Variants in POLR3B observed in about 807,000 individuals in gnomAD.
POLR3B encodes DNA-directed RNA polymerase III subunit RPC2.
POLR3B carries 96 observed loss-of-function variants against 147.4 expected under a neutral mutation model. The ratio of observed to expected loss-of-function variants is 0.65; its 90% confidence interval spans 0.55 to 0.77. The LOEUF is 0.77. POLR3B is among the 30% of genes least tolerant of loss of function. The pLI is 0.00. For missense variants in POLR3B, 1,036 were observed against 1,413.5 expected (o/e 0.73, Z 4.28); for synonymous variants, 461 against 485.9 (o/e 0.95, Z 0.67).
At chr12:106,386,073 C>A (rs942444656) in intron 9 of POLR3B, among the ~76,000 whole-genome samples, 1 of 152,126 alleles carries the variant, frequency 6.6e-6, no homozygotes, top group Non-Finnish European at 1.5e-5. Context: ...GGGCTGGGCG[C>A]GGTGGCTCAT....
At position 106,435,415 on chromosome 12, in the gene POLR3B, G is replaced by A. The variant is rs151209701; in HGVS notation, c.1781+1543G>A. 2.8e-3 allele frequency among the ~76,000 whole-genome samples: 431 copies of A among 152,280 alleles called. 4 individuals are homozygous for A. The highest frequency in any genetic ancestry group is 9.8e-3 in the African/African-American group (406 of 41,556). On this transcript the variant is annotated intron_variant, in intron 16 of 27. Transcript: ENST00000228347. Reference sequence around the variant, plus strand: ...CCACCTCAGCCTCCCAAAGTGCTGGGATTACAGGTGTGAGCCATCGCACCC... The same window carrying A: ...CCACCTCAGCCTCCCAAAGTGCTGGAATTACAGGTGTGAGCCATCGCACCC...
intron 16 of POLR3B, 36 bp downstream of exon 16, chr12:106,433,908 A>C (rs373917228): frequency 1.9e-6 from 3 of 1,540,336 alleles, no homozygotes; most frequent in Non-Finnish European, 2.7e-6. Flanking sequence ...GTTTTTAAGA[A>C]TCTCTTTATA....
At chr12:106,364,493 C>T (rs1192199184) in intron 2 of POLR3B, among the ~76,000 whole-genome samples, 1 of 152,210 alleles carries the variant, frequency 6.6e-6, no homozygotes, top group East Asian at 1.9e-4. Flanking sequence ...CTATCATGCT[C>T]CACTGGTGGG....
intron 19 of POLR3B, among the ~76,000 whole-genome samples, chr12:106,447,944 C>A (rs1197605475): frequency 6.6e-6 from 1 of 152,100 alleles, no homozygotes; most frequent in East Asian, 1.9e-4. Flanking sequence ...TTACAGTAGG[C>A]TGAGATGCAC....
intron 23 of POLR3B, among the ~76,000 whole-genome samples, chr12:106,474,771 T>C (rs1365355689): frequency 6.6e-5 from 10 of 150,696 alleles, no homozygotes; most frequent in African/African-American, 2.5e-4. Flanking sequence ...TCTTTATTAG[T>C]CTTGCTAGCG....
At chr12:106,459,580 G>A (rs1248427696) in intron 22 of POLR3B, among the ~76,000 whole-genome samples, 1 of 152,190 alleles carries the variant, frequency 6.6e-6, no homozygotes. Context: ...GGACCACATA[G>A]GCAGGGGTTC....
rs143057115 is a variant in POLR3B, at chr12:106,504,336, G to A, written c.3272+82G>A. ...CAAGAATTGACCCTGGATCCTATCCGCATATTCTCCAGCCTCTGTCTGTGA... is the reference window on the plus strand; with the variant it reads ...CAAGAATTGACCCTGGATCCTATCCACATATTCTCCAGCCTCTGTCTGTGA... On this transcript the variant is annotated intron_variant, in intron 27 of 27. Coordinates refer to ENST00000228347, the MANE Select transcript of POLR3B (RefSeq NM_018082.6). This position sits in a 1 kb window ranked among gnomAD's most constrained non-coding sequence, Gnocchi z 4.6. 1.5e-3 allele frequency: 1,664 copies of A among 1,120,330 alleles called. 16 individuals are homozygous for A. In the African/African-American group the frequency reaches 0.02, roughly 13 times the overall value. 69.4% of individuals were successfully genotyped at this position (1,120,330 alleles called of 1,614,324 possible). A position where few individuals can be genotyped will look rare whatever the true frequency, so the allele number is the denominator to read the frequency against.
chr12:106,502,531 T>C (rs1258341836), intron 26 of POLR3B, among the ~76,000 whole-genome samples: 1 of 152,194 alleles, frequency 6.6e-6, no homozygotes, highest in Non-Finnish European at 1.5e-5. Context: ...AAGCATCCAG[T>C]TCCCTCCCCA....
At chr12:106,359,147 C>T (rs550997102) in intron 1 of POLR3B, among the ~76,000 whole-genome samples, 159 of 152,014 alleles carry the variant, frequency 1.0e-3, no homozygotes, top group Non-Finnish European at 2.1e-3. Flanking sequence ...CCTGGAAGGT[C>T]GAGGCTGCAG....
At position 106,368,535 on chromosome 12, in the gene POLR3B, T is replaced by A. The variant is rs528532597; in HGVS notation, c.228-740T>A. Among the ~76,000 whole-genome samples the A allele has an allele frequency of 9.9e-5, 15 of 152,086 alleles. No homozygotes were observed. In the South Asian group the frequency reaches 1.7e-3, roughly 17 times the overall value. On this transcript the variant is annotated intron_variant, in intron 4 of 27. Coordinates refer to ENST00000228347, the MANE Select transcript of POLR3B (RefSeq NM_018082.6). ...TCTGGCTCCCATTATCTGCAAAATT[T>A]AAAAAAAAATTTTTCAATCCTAGAC...
At chr12:106,389,633 T>C (rs1390023287) in intron 9 of POLR3B, among the ~76,000 whole-genome samples, 2 of 152,064 alleles carry the variant, frequency 1.3e-5, no homozygotes, top group African/African-American at 4.8e-5. Flanking sequence ...ATATTGGCAT[T>C]GTCCTTATCC....
Position 106,444,541 on chromosome 12 carries a change from C to T in POLR3B, c.2034C>T (p.Asn678=). 6.2e-7 allele frequency: 1 copy of T among 1,613,862 alleles called. No individual in the cohort carries two copies. Among genetic ancestry groups the T allele is most frequent in the Non-Finnish European group, 8.5e-7 (1 of 1,179,872 alleles). ...CAGLIPYPHH[N]QSPRNTYQCA... ...GACTTATCCCATACCCTCACCATAA[C>T]CAGTCACCGAGAAACACTTATCAGT... The change falls in exon 19 of 28, where the codon AAC becomes AAT. Residue 678 remains asparagine (N), a synonymous_variant. Coordinates refer to ENST00000228347, the MANE Select transcript of POLR3B (RefSeq NM_018082.6).
At chr12:106,462,078 C>T (rs187919574) in intron 22 of POLR3B, among the ~76,000 whole-genome samples, 17 of 152,248 alleles carry the variant, frequency 1.1e-4, no homozygotes, top group Non-Finnish European at 2.9e-5. Context: ...CTTTACCTGC[C>T]ACACACACCA....
chr12:106,363,378 T>C (rs1019150082), intron 1 of POLR3B, among the ~76,000 whole-genome samples: 4 of 152,218 alleles, frequency 2.6e-5, no homozygotes, highest in Admixed American at 6.5e-5. Flanking sequence ...CCTCCATCAA[T>C]TTTAACTCTA....
At chr12:106,467,093 G>A (rs1413877181) in intron 23 of POLR3B, among the ~76,000 whole-genome samples, 1 of 152,172 alleles carries the variant, frequency 6.6e-6, no homozygotes, top group African/African-American at 2.4e-5. Context: ...AGCATGGAAT[G>A]TTTTTCCATT....
chr12:106,446,417 CAAAAAAA>C (rs10654233), intron 19 of POLR3B: 23 of 158,508 alleles, frequency 1.5e-4, no homozygotes, highest in Admixed American at 8.5e-4. Flanking sequence ...CCTCTCCCCA[CAAAAAAA>C]AAAAAAAAAA....
At chr12:106,426,220 ATTTGTG>A (rs1714324863) in intron 12 of POLR3B, among the ~76,000 whole-genome samples, 2 of 84,718 alleles carry the variant, frequency 2.4e-5, no homozygotes, top group African/African-American at 4.9e-5. Context: ...AGGGCCTGCA[ATTTGTG>A]TGTGTGTGTG....
At chr12:106,438,722 T>C (rs1230947690) in intron 18 of POLR3B, among the ~76,000 whole-genome samples, 1 of 152,160 alleles carries the variant, frequency 6.6e-6, no homozygotes, top group Non-Finnish European at 1.5e-5. Context: ...CTGCCAAAGT[T>C]GAACTAATGA....
chr12:106,506,094 C>A (rs1318683366), intron 27 of POLR3B, among the ~76,000 whole-genome samples: 3 of 152,124 alleles, frequency 2.0e-5, no homozygotes, highest in African/African-American at 7.2e-5. Context: ...CTAGCTCTTT[C>A]TTATATGAAT....
Sources: gnomAD v4.1 joint callset for allele counts (sites outside exome capture counted in the v4.1 genomes callset) on GRCh38, gnomAD v4.1.1 for gene constraint, Gnocchi (gnomAD v3.1) non-coding constraint, MANE v1.5 for transcripts, NCBI Gene and HGNC (gene_info 2026-07-23, HGNC 2026-07-21) for gene names.